Variants in DNAH9 observed in about 807,000 individuals in gnomAD.
DNAH9 encodes DNAH9 variant protein.
DNAH9 carries 345 observed loss-of-function variants against 471.6 expected under a neutral mutation model. The ratio of observed to expected loss-of-function variants is 0.73; its 90% CI spans 0.67 to 0.80. The LOEUF is 0.80. Ranked by LOEUF, DNAH9 falls within the 30% of genes least tolerant of loss-of-function variation. The probability of loss-of-function intolerance (pLI) is 0.00; values close to 1 mark genes in which losing one functional copy is unlikely to be tolerated. For synonymous variants in DNAH9, 2,093 were observed against 2,123.6 expected, an observed-to-expected ratio of 0.99 and a Z score of 0.40; for missense variants, 5,407 against 5,609.2, an observed-to-expected ratio of 0.96 and a Z score of 1.15.
intron 45 of DNAH9, among the ~76,000 whole-genome samples, chr17:11,818,441 AAG>A (rs918758198): frequency 2.7e-5 from 4 of 147,474 alleles, no homozygotes; most frequent in African/African-American, 8.1e-5. Context: ...AAAAAAAAAA[AAG>A]AAGAGAAAAG....
chr17:11,946,222 AGAG>A (rs1975118702), intron 67 of DNAH9, among the ~76,000 whole-genome samples: 1 of 147,246 alleles, frequency 6.8e-6, no homozygotes, highest in Non-Finnish European at 1.5e-5. Context: ...AAAAAAAAAA[AGAG>A]CCAGATTAGA....
chr17:11,851,459 A>G (rs952828051), intron 49 of DNAH9, among the ~76,000 whole-genome samples: 1 of 152,082 alleles, frequency 6.6e-6, no homozygotes, highest in Non-Finnish European at 1.5e-5. Context: ...AGCCATGCAA[A>G]TGTCTTAGGA....
At chr17:11,605,952 G>C (rs1289239630) in intron 1 of DNAH9, among the ~76,000 whole-genome samples, 1 of 152,176 alleles carries the variant, frequency 6.6e-6, no homozygotes, top group Non-Finnish European at 1.5e-5. Context: ...CTATATGCCA[G>C]ATCCTGGAGA....
At chr17:11,803,514 A>C (rs1467379756) in intron 43 of DNAH9, among the ~76,000 whole-genome samples, 2 of 152,228 alleles carry the variant, frequency 1.3e-5, no homozygotes, top group East Asian at 3.8e-4. Flanking sequence ...TAATGGACTT[A>C]ACTTAGACTG....
intron 42 of DNAH9, among the ~76,000 whole-genome samples, chr17:11,794,278 G>A (rs1000662016): frequency 1.3e-5 from 2 of 151,970 alleles, no homozygotes; most frequent in Non-Finnish European, 2.9e-5. Context: ...GGGTTTCACC[G>A]AGGTCGATCT....
At chr17:11,743,484 G>A (rs2075462589) in intron 30 of DNAH9, among the ~76,000 whole-genome samples, 1 of 152,110 alleles carries the variant, frequency 6.6e-6, no homozygotes, top group African/African-American at 2.4e-5. Flanking sequence ...GCTCCTCACT[G>A]GTCCCAAGAT....
At chr17:11,680,913 C>G (rs201958198) in intron 19 of DNAH9, 24 bp downstream of exon 19, 1 of 1,588,756 alleles carries the variant, frequency 6.3e-7, no homozygotes, top group Admixed American at 1.7e-5. Context: ...ACTGCTGCCT[C>G]TCTTTCTGTG....
intron 66 of DNAH9, 74 bp from the exon 67 acceptor site, chr17:11,942,229 C>T (rs1974943422): frequency 3.9e-6 from 6 of 1,552,844 alleles, no homozygotes; most frequent in Non-Finnish European, 5.2e-6. Context: ...TCTCTAGTCC[C>T]ACACTGCAGG....
At chr17:11,888,274 C>T (rs1394943020) in intron 57 of DNAH9, among the ~76,000 whole-genome samples, 2 of 152,152 alleles carry the variant, frequency 1.3e-5, no homozygotes, top group African/African-American at 4.8e-5. Flanking sequence ...TGAGCCACTG[C>T]ACCCGGTCCC....
intron 32 of DNAH9, among the ~76,000 whole-genome samples, chr17:11,751,728 G>A (rs529103007): frequency 1.3e-5 from 2 of 151,894 alleles, no homozygotes; most frequent in South Asian, 4.1e-4. Context: ...TCTAGAAAAT[G>A]TAATAGGACA....
chr17:11,705,255 G>T (rs1419346390), intron 26 of DNAH9, 70 bp downstream of exon 26: 1 of 1,389,876 alleles, frequency 7.2e-7, no homozygotes, highest in Non-Finnish European at 1.0e-6. Flanking sequence ...GGCATCTAGG[G>T]TCAAAGTCCC....
intron 1 of DNAH9, among the ~76,000 whole-genome samples, chr17:11,600,745 G>A (rs1263610356): frequency 6.6e-6 from 1 of 152,168 alleles, no homozygotes; most frequent in Non-Finnish European, 1.5e-5. Context: ...GCCTCCCAAA[G>A]TGCTGGGATT....
chr17:11,837,004 C>A (rs142428045), intron 49 of DNAH9, among the ~76,000 whole-genome samples: 1 of 152,120 alleles, frequency 6.6e-6, no homozygotes, highest in African/African-American at 2.4e-5. Context: ...ATTCCCATTA[C>A]GTTGTTACAA....
At chr17:11,780,911 G>A in intron 38 of DNAH9, 98 bp from the exon 39 acceptor site, 1 of 1,314,128 alleles carries the variant, frequency 7.6e-7, no homozygotes, top group Admixed American at 2.5e-5. Flanking sequence ...TTGCACACAT[G>A]AAGGCAGCAC....
chr17:11,717,406 G>A (rs554019915), intron 26 of DNAH9, among the ~76,000 whole-genome samples: 4 of 151,734 alleles, frequency 2.6e-5, no homozygotes, highest in Non-Finnish European at 5.9e-5. Flanking sequence ...AAAACATTTC[G>A]GTCCAAGGTT....
chr17:11,693,547 C>T (rs550061885), intron 20 of DNAH9, among the ~76,000 whole-genome samples: 18 of 152,250 alleles, frequency 1.2e-4, no homozygotes, highest in African/African-American at 3.4e-4. Context: ...GTGTGAGCCA[C>T]GGCGCCCGGT....
At chr17:11,821,308 TCAACATCTAAC>T in intron 45 of DNAH9, among the ~76,000 whole-genome samples, 1 of 132,476 alleles carries the variant, frequency 7.5e-6, no homozygotes, top group East Asian at 2.3e-4. Context: ...AAAAAAAAAA[TCAACATCTAAC>T]CATAATTTTT....
chr17:11,683,088 T>C (rs541906070), intron 19 of DNAH9, among the ~76,000 whole-genome samples: 59 of 152,330 alleles, frequency 3.9e-4, no homozygotes, highest in African/African-American at 1.4e-3. Flanking sequence ...TAATACTACT[T>C]AGTGTTAACA....
rs565630454 is a variant in DNAH9, at chr17:11,913,549, G to T, written c.11749+7740G>T. On this transcript the variant is annotated intron_variant, in intron 61 of 68. Transcript: ENST00000262442. ...TATAATCCCAGCACTTTGGGAGGCC[G>T]AGGCGAGCGGATCACGAGGTCAGGA... is the stretch of plus-strand genomic sequence containing the variant. Among the ~76,000 whole-genome samples the T allele has an allele frequency of 2.0e-5, 3 of 152,252 alleles. No individual in the cohort carries two copies. The South Asian group carries it at 6.2e-4, about 32-fold the overall frequency.
Sources: gnomAD v4.1 joint callset for allele counts (sites outside exome capture counted in the v4.1 genomes callset) on GRCh38, gnomAD v4.1.1 for gene constraint, MANE v1.5 for transcripts, NCBI Gene and HGNC (gene_info 2026-07-23, HGNC 2026-07-21) for gene names.